The following ALG12 variants were observed in gnomAD, a reference collection of about 807,000 sequenced individuals.
The protein encoded by ALG12 is dol-P-Man:Man(7)GlcNAc(2)-PP-Dol alpha-1,6-mannosyltransferase.
ALG12 carries 36 observed loss-of-function variants against 46.0 expected under a neutral mutation model. That is an observed-to-expected ratio of 0.78 (90% CI 0.60 to 1.03). ALG12 has a LOEUF of 1.03. Among genes scored for constraint, ALG12 ranks in the 50% least tolerant of loss-of-function variants. The pLI, the probability that ALG12 is intolerant of heterozygous loss-of-function variation, is 0.00. For missense variants in ALG12, 599 were observed against 633.5 expected, an observed-to-expected ratio of 0.95 and a Z score of 0.58; for synonymous variants, 326 against 291.6, an observed-to-expected ratio of 1.12 and a Z score of -1.20.
the ALG12 span, among the ~76,000 whole-genome samples, chr22:49,891,508 G>A: frequency 6.6e-6 from 1 of 152,312 alleles, no homozygotes; most frequent in Non-Finnish European, 1.5e-5. Flanking sequence ...CATCTCCAAT[G>A]TTGTCTTGAT....
chr22:49,895,657 T>TAA (rs59138053), downstream of ALG12, among the ~76,000 whole-genome samples: 1 of 125,686 alleles, frequency 8.0e-6, no homozygotes, highest in Admixed American at 8.1e-5. Flanking sequence ...ATCTCAAAAA[T>TAA]AAAAAAAAAA....
At chr22:49,864,927 A>C in the ALG12 span, among the ~76,000 whole-genome samples, 2 of 87,798 alleles carry the variant, frequency 2.3e-5, no homozygotes, top group Non-Finnish European at 1.9e-5. Flanking sequence ...ATGGGGTTCT[A>C]TCCCAGCAAG....
At chr22:49,916,504 CG>C (rs776434344) in intron 1 of ALG12, among the ~76,000 whole-genome samples, 1 of 152,112 alleles carries the variant, frequency 6.6e-6, no homozygotes, top group African/African-American at 2.4e-5. Context: ...TGCTTGAACT[CG>C]GGAGGCAGAG....
the ALG12 span, among the ~76,000 whole-genome samples, chr22:49,861,811 G>A: frequency 0.038 from 5,752 of 152,274 alleles, 372 homozygotes; most frequent in African/African-American, 0.13. Flanking sequence ...ATCCTTTGCC[G>A]TGGGATGCCG....
chr22:49,917,896 C>T (rs891909128), intron 1 of ALG12, among the ~76,000 whole-genome samples: 1 of 151,876 alleles, frequency 6.6e-6, no homozygotes, highest in African/African-American at 2.4e-5. Flanking sequence ...CCTAAGTGGA[C>T]CCCAGATCCC....
the ALG12 span, chr22:49,883,915 G>A: frequency 9.9e-6 from 16 of 1,609,464 alleles, no homozygotes; most frequent in South Asian, 2.2e-5. Flanking sequence ...TGACTATGGC[G>A]CGCTGTTCTC....
the ALG12 span, among the ~76,000 whole-genome samples, chr22:49,891,888 T>A: frequency 1.3e-5 from 2 of 152,260 alleles, no homozygotes; most frequent in East Asian, 3.9e-4. Context: ...AAAATTCCCT[T>A]CTCTTCCACT....
chr22:49,907,992 G>T, intron 6 of ALG12, 48 bp from the exon 7 acceptor site: 1 of 1,578,578 alleles, frequency 6.3e-7, no homozygotes, highest in Non-Finnish European at 8.6e-7. Context: ...GCATGAGCCC[G>T]TGGGCTAGGT....
rs995496494 is a variant in ALG12 at position 49,902,955 on chromosome 22, TGTGTGCAC to T, written c.*875_*882del. The T allele has an allele frequency of 2.5e-4, 74 of 293,296 alleles. No individual in the cohort carries two copies. The highest frequency in any genetic ancestry group is 6.6e-4 in the South Asian group (24 of 36,188). The allele number at this position is 293,296 out of a possible 1,614,324, so 18.2% of individuals were successfully genotyped here. A position where few individuals can be genotyped will look rare whatever the true frequency, so the allele number is the denominator to read the frequency against. The stretch of plus-strand genomic sequence containing the variant: ...CACGGTGTGTGGTGTGTATGCATGG[TGTGTGCAC>T]GTGTGCACTGTGTGCATGCGTGTGT... On this transcript the variant is annotated 3_prime_UTR_variant, in exon 10 of 10. Coordinates refer to ENST00000330817, the MANE Select transcript of ALG12 (RefSeq NM_024105.4).
the ALG12 span, among the ~76,000 whole-genome samples, chr22:49,875,569 CA>C: frequency 6.6e-6 from 1 of 151,660 alleles, no homozygotes; most frequent in Non-Finnish European, 1.5e-5. Context: ...TACAGGTGCG[CA>C]CCACCACGCC....
the ALG12 span, among the ~76,000 whole-genome samples, chr22:49,880,296 C>T: frequency 6.6e-6 from 1 of 152,218 alleles, no homozygotes; most frequent in South Asian, 2.1e-4. Context: ...CAGTTCTTTT[C>T]CCCTTTGGTT....
the ALG12 span, chr22:49,885,282 C>A: frequency 6.3e-7 from 1 of 1,596,916 alleles, no homozygotes; most frequent in South Asian, 1.1e-5. Flanking sequence ...AATTGACTGA[C>A]TTGCCAACAG....
downstream of ALG12, among the ~76,000 whole-genome samples, chr22:49,898,969 A>G (rs1238661073): frequency 6.6e-6 from 1 of 151,992 alleles, no homozygotes; most frequent in East Asian, 1.9e-4. Flanking sequence ...AAAAAAAAAA[A>G]TTGATCCGTA....
the ALG12 span, among the ~76,000 whole-genome samples, chr22:49,870,939 A>G: frequency 1.1e-5 from 1 of 89,340 alleles, no homozygotes; most frequent in East Asian, 3.7e-4. Context: ...TTTTTAAAAG[A>G]TAGATTTTTT....
the ALG12 span, among the ~76,000 whole-genome samples, chr22:49,864,508 C>G: frequency 6.6e-6 from 1 of 152,150 alleles, no homozygotes; most frequent in Admixed American, 6.5e-5. Context: ...CCATCAAAGT[C>G]GAAAATGCAC....
the ALG12 span, among the ~76,000 whole-genome samples, chr22:49,866,837 G>A: frequency 6.6e-6 from 1 of 152,210 alleles, no homozygotes; most frequent in Non-Finnish European, 1.5e-5. Context: ...TGAAATCTGA[G>A]ATGGGTCTCA....
intron 7 of ALG12, 96 bp from the exon 8 acceptor site, chr22:49,904,602 CT>C: frequency 1.4e-6 from 2 of 1,392,720 alleles, no homozygotes. Context: ...TGCTGTTCAA[CT>C]TCACCAAGTC....
chr22:49,892,112 T>C, the ALG12 span, among the ~76,000 whole-genome samples: 53,075 of 141,786 alleles, frequency 0.37, 13,505 homozygotes, highest in African/African-American at 0.74. Context: ...GGCGTGAACC[T>C]GGGAGGCAGA....
At chr22:49,879,492 C>G in the ALG12 span, among the ~76,000 whole-genome samples, 6 of 151,672 alleles carry the variant, frequency 4.0e-5, no homozygotes, top group Admixed American at 3.3e-4. Context: ...CCACTATATC[C>G]GCTCTTACAA....
Sources: allele counts gnomAD v4.1 joint callset (sites outside exome capture counted in the v4.1 genomes callset), GRCh38; gene constraint gnomAD v4.1.1; transcripts MANE v1.5; gene names NCBI Gene and HGNC (gene_info 2026-07-23, HGNC 2026-07-21).